The following NTM variants were observed in gnomAD, a reference collection of about 807,000 sequenced individuals.
NTM encodes neurotrimin, also known as IgLON family member 2.
In NTM, 13 loss-of-function variants were observed where a neutral mutation model predicts 42.1. The observed-to-expected ratio is 0.31, with a 90% CI of 0.20 to 0.49. NTM has a LOEUF of 0.49. NTM is among the 20% of genes least tolerant of loss of function. The pLI, the probability that NTM is intolerant of heterozygous loss-of-function variation, is 0.99. For missense variants in NTM, 373 were observed against 452.8 expected (o/e 0.82, Z 1.60); for synonymous variants, 187 against 179.2 (o/e 1.04, Z -0.35).
In NTM at chr11:131,416,476, C is replaced by G. The variant is rs570322973; in HGVS notation, c.82+45588C>G. Among the ~76,000 whole-genome samples the G allele has an allele frequency of 3.3e-5, 5 of 152,326 alleles. No homozygotes were observed. The South Asian group carries it at 1.0e-3, about 32-fold the overall frequency. ...TGAACTCCCTTCTACCCATCAAACA[C>G]CATAGCCTGTCTGCCACCTTCAACA... On this transcript the variant is annotated intron_variant, in intron 1 of 8. Coordinates refer to ENST00000683400, the MANE Select transcript of NTM (RefSeq NM_001352005.2).
intron 2 of NTM, among the ~76,000 whole-genome samples, chr11:132,132,704 C>T (rs1050935299): frequency 2.0e-5 from 3 of 152,100 alleles, no homozygotes; most frequent in Non-Finnish European, 2.9e-5. Flanking sequence ...ACCATTTTTC[C>T]CCATTGACAT....
At chr11:131,555,166 ACAAAAAC>A (rs1429371090) in intron 1 of NTM, among the ~76,000 whole-genome samples, 1 of 152,188 alleles carries the variant, frequency 6.6e-6, no homozygotes, top group African/African-American at 2.4e-5. Flanking sequence ...AGTCTCAAAA[ACAAAAAC>A]CAAAAAACAA....
chr11:131,928,986 A>G (rs2058279172), intron 2 of NTM, among the ~76,000 whole-genome samples: 1 of 152,226 alleles, frequency 6.6e-6, no homozygotes, highest in Non-Finnish European at 1.5e-5. Context: ...TGTGTAGTTT[A>G]GAATCATTCA....
chr11:131,465,992 C>A (rs1951844665), intron 1 of NTM, among the ~76,000 whole-genome samples: 1 of 152,228 alleles, frequency 6.6e-6, no homozygotes, highest in Admixed American at 6.5e-5. Flanking sequence ...TAGAAGCTAT[C>A]ACTCTGCAGG....
intron 1 of NTM, among the ~76,000 whole-genome samples, chr11:131,533,604 C>T (rs1010589198): frequency 1.6e-4 from 25 of 152,296 alleles, no homozygotes; most frequent in Admixed American, 1.5e-3. Context: ...CTGCCCGTGT[C>T]ATTGAGGTGG....
chr11:131,701,863 T>G (rs1053568137), intron 1 of NTM, among the ~76,000 whole-genome samples: 3 of 152,210 alleles, frequency 2.0e-5, no homozygotes, highest in African/African-American at 7.2e-5. Context: ...TGGACCCCAG[T>G]GCAAAATGAA....
At chr11:132,056,631 A>G (rs1012138877) in intron 2 of NTM, among the ~76,000 whole-genome samples, 2 of 152,242 alleles carry the variant, frequency 1.3e-5, no homozygotes, top group Non-Finnish European at 2.9e-5. Context: ...TCTTGGACTC[A>G]GGGAATCTTA....
intron 2 of NTM, among the ~76,000 whole-genome samples, chr11:132,100,412 A>G (rs941770463): frequency 1.3e-5 from 2 of 152,196 alleles, no homozygotes; most frequent in Admixed American, 1.3e-4. Flanking sequence ...CTGGGGGGAC[A>G]CATAGGCCCA....
At chr11:131,847,684 C>G (rs1380283820) in intron 1 of NTM, among the ~76,000 whole-genome samples, 1 of 151,938 alleles carries the variant, frequency 6.6e-6, no homozygotes, top group African/African-American at 2.4e-5. Context: ...TATTGATTCC[C>G]TAGTCATGCC....
intron 2 of NTM, among the ~76,000 whole-genome samples, chr11:132,066,359 C>G (rs1228603908): frequency 6.6e-6 from 1 of 152,188 alleles, no homozygotes; most frequent in Non-Finnish European, 1.5e-5. Context: ...TTAGAGCTAG[C>G]TGGATATTCA....
At chr11:132,139,439 A>G (rs978036314) in intron 2 of NTM, among the ~76,000 whole-genome samples, 2 of 152,232 alleles carry the variant, frequency 1.3e-5, no homozygotes, top group African/African-American at 4.8e-5. Flanking sequence ...GTAGGTACAA[A>G]TCAAAGTGTT....
chr11:132,088,111 G>A (rs2059955017), intron 2 of NTM, among the ~76,000 whole-genome samples: 2 of 152,224 alleles, frequency 1.3e-5, no homozygotes, highest in Non-Finnish European at 2.9e-5. Flanking sequence ...TGGCCATTGG[G>A]ATGGTGGTGG....
At chr11:131,431,194 G>A (rs1043628413) in intron 1 of NTM, among the ~76,000 whole-genome samples, 22 of 152,274 alleles carry the variant, frequency 1.4e-4, no homozygotes, top group African/African-American at 5.3e-4. Flanking sequence ...CCCTGGTCAT[G>A]TGCATCTCTC....
intron 2 of NTM, among the ~76,000 whole-genome samples, chr11:132,010,313 G>A (rs1439253945): frequency 2.0e-5 from 3 of 152,148 alleles, no homozygotes. Flanking sequence ...TGGTAACTCC[G>A]ATGGTGGAGA....
chr11:131,782,810 T>C (rs1158678804), intron 1 of NTM, among the ~76,000 whole-genome samples: 1 of 152,118 alleles, frequency 6.6e-6, no homozygotes, highest in Non-Finnish European at 1.5e-5. Flanking sequence ...CTCAGCAAAC[T>C]AAGTAAAGAA....
intron 1 of NTM, among the ~76,000 whole-genome samples, chr11:131,437,226 A>G (rs1241627302): frequency 1.3e-5 from 2 of 152,176 alleles, no homozygotes; most frequent in Non-Finnish European, 2.9e-5. Flanking sequence ...TTTTGGAATA[A>G]GTGCGATGTG....
At chr11:131,528,849 A>C (rs1037575589) in intron 1 of NTM, among the ~76,000 whole-genome samples, 1 of 152,192 alleles carries the variant, frequency 6.6e-6, no homozygotes, top group Non-Finnish European at 1.5e-5. Context: ...CTCATAGCAC[A>C]CTTGATGTTT....
rs2136085465 is a variant in NTM at position 131,789,369 on chromosome 11, A to C, written c.83-122195A>C. ...TTTAAAAATAATAATAATAATAATA[A>C]AGAAGAAGATTTAAGGGGAGCTCAG... is the stretch of plus-strand genomic sequence containing the variant. On this transcript the variant is annotated intron_variant, in intron 1 of 8. Coordinates refer to ENST00000683400, the MANE Select transcript of NTM (RefSeq NM_001352005.2). 1.4e-5 allele frequency among the ~76,000 whole-genome samples: 2 copies of C among 146,214 alleles called. 1 individual carries two copies. Among genetic ancestry groups the C allele is most frequent in the East Asian group, 4.0e-4 (2 of 5,058 alleles).
At chr11:131,947,555 G>T (rs75344221) in intron 2 of NTM, among the ~76,000 whole-genome samples, 3 of 152,180 alleles carry the variant, frequency 2.0e-5, no homozygotes, top group Non-Finnish European at 2.9e-5. Context: ...GGAGGTGGGT[G>T]CAGGGATGAT....
Sources: allele counts gnomAD v4.1 joint callset (sites outside exome capture counted in the v4.1 genomes callset), GRCh38; gene constraint gnomAD v4.1.1; transcripts MANE v1.5; gene names NCBI Gene and HGNC (gene_info 2026-07-23, HGNC 2026-07-21).